NHSL3: variants seen among roughly 807,000 people sequenced by gnomAD.
The protein encoded by NHSL3 is NHS-like protein 3.
the NHSL3 span, among the ~76,000 whole-genome samples, chr1:32,752,314 A>G: frequency 2.0e-5 from 3 of 152,200 alleles, no homozygotes; most frequent in Non-Finnish European, 4.4e-5. Context: ...TGCTGGAGCC[A>G]TCGGGCATAA....
At chr1:32,748,366 C>T in the NHSL3 span, among the ~76,000 whole-genome samples, 1 of 151,990 alleles carries the variant, frequency 6.6e-6, no homozygotes, top group African/African-American at 2.4e-5. Flanking sequence ...GAGGAAGGGG[C>T]CTAGATAGTT....
the NHSL3 span, among the ~76,000 whole-genome samples, chr1:32,754,690 T>A: frequency 6.6e-6 from 1 of 152,164 alleles, no homozygotes; most frequent in South Asian, 2.1e-4. Flanking sequence ...GCATTCAGGC[T>A]CACAGCAGAC....
chr1:32,764,214 G>GC, the NHSL3 span, among the ~76,000 whole-genome samples: 3 of 89,820 alleles, frequency 3.3e-5, no homozygotes, highest in Non-Finnish European at 4.6e-5. Flanking sequence ...CACTCTCCCC[G>GC]CCCCCCGGCC....
chr1:32,770,330 C>T, the NHSL3 span: 66 of 1,611,954 alleles, frequency 4.1e-5, no homozygotes, highest in South Asian at 5.5e-5. The surrounding 1 kb of genome is among the most constrained non-coding windows in gnomAD (Gnocchi z 8.3). Flanking sequence ...AGCCTGCACT[C>T]GGCCAGCCCA....
chr1:32,742,787 A>G, the NHSL3 span, among the ~76,000 whole-genome samples: 2 of 152,312 alleles, frequency 1.3e-5, no homozygotes, highest in African/African-American at 4.8e-5. Flanking sequence ...CTCCTGGGGT[A>G]GTGAGCTCAC....
the NHSL3 span, chr1:32,770,639 G>T: frequency 6.6e-7 from 1 of 1,518,802 alleles, no homozygotes; most frequent in Non-Finnish European, 8.8e-7. The surrounding 1 kb of genome is among the most constrained non-coding windows in gnomAD (Gnocchi z 8.3). Context: ...TTGTCTGGCC[G>T]GAGTGTGTCC....
chr1:32,770,565 C>T, the NHSL3 span: 1 of 1,524,342 alleles, frequency 6.6e-7, no homozygotes, highest in Non-Finnish European at 8.8e-7. The surrounding 1 kb of genome is among the most constrained non-coding windows in gnomAD (Gnocchi z 8.3). Context: ...GTGGGAGGGG[C>T]TCTCCCAGTG....
the NHSL3 span, among the ~76,000 whole-genome samples, chr1:32,742,428 C>T: frequency 5.3e-5 from 8 of 152,248 alleles, no homozygotes; most frequent in African/African-American, 1.7e-4. Context: ...GCAGGGATCC[C>T]CTGGCAGAGC....
the NHSL3 span, chr1:32,770,510 G>A: frequency 6.4e-7 from 1 of 1,557,754 alleles, no homozygotes; most frequent in Non-Finnish European, 8.7e-7. The surrounding 1 kb of genome is among the most constrained non-coding windows in gnomAD (Gnocchi z 8.3). Flanking sequence ...CAGCCGGAGA[G>A]CTCTACGGCT....
chr1:32,771,981 C>A, the NHSL3 span: 28 of 1,606,452 alleles, frequency 1.7e-5, no homozygotes, highest in Non-Finnish European at 2.3e-5. Flanking sequence ...ATGCTGCGGT[C>A]CGACTCAAGG....
At chr1:32,769,877 C>T in the NHSL3 span, 1 of 1,610,776 alleles carries the variant, frequency 6.2e-7, no homozygotes, top group Non-Finnish European at 8.5e-7. Flanking sequence ...CTGTCCCTTC[C>T]AGGCCTGAGG....
the NHSL3 span, among the ~76,000 whole-genome samples, chr1:32,745,623 T>A: frequency 6.6e-6 from 1 of 151,016 alleles, no homozygotes; most frequent in African/African-American, 2.4e-5. Context: ...AGCTACAAGA[T>A]GCTGGCAGGT....
the NHSL3 span, among the ~76,000 whole-genome samples, chr1:32,743,020 G>A: frequency 6.6e-6 from 1 of 152,368 alleles, no homozygotes; most frequent in Admixed American, 6.5e-5. Context: ...CAGCCTGAAA[G>A]GCGGGGAAGC....
the NHSL3 span, chr1:32,742,137 C>G: frequency 1.6e-6 from 2 of 1,244,546 alleles, no homozygotes; most frequent in East Asian, 3.2e-5. Flanking sequence ...CGGCCGCCCC[C>G]CGGGCCAAGA....
the NHSL3 span, chr1:32,770,727 T>G: frequency 6.4e-7 from 1 of 1,552,220 alleles, no homozygotes; most frequent in East Asian, 2.3e-5. This position sits in a 1 kb window ranked among gnomAD's most constrained non-coding sequence, Gnocchi z 8.3. Context: ...CAGTGCCTGA[T>G]GGGCCATTAG....
the NHSL3 span, among the ~76,000 whole-genome samples, chr1:32,745,083 A>AG: frequency 2.0e-5 from 3 of 150,942 alleles, no homozygotes; most frequent in South Asian, 6.3e-4. Flanking sequence ...CCAAGATTGC[A>AG]CCGCTGCACT....
chr1:32,753,149 A>G, the NHSL3 span, among the ~76,000 whole-genome samples: 1 of 151,158 alleles, frequency 6.6e-6, no homozygotes, highest in Non-Finnish European at 1.5e-5. Flanking sequence ...TTGTATTTTT[A>G]GTAGAGACAG....
At chr1:32,759,410 C>T in the NHSL3 span, among the ~76,000 whole-genome samples, 2 of 152,292 alleles carry the variant, frequency 1.3e-5, no homozygotes, top group African/African-American at 2.4e-5. Context: ...GTTAGAATTG[C>T]GCCTTGGCTG....
chr1:32,761,096 G>A, the NHSL3 span, among the ~76,000 whole-genome samples: 1 of 152,194 alleles, frequency 6.6e-6, no homozygotes, highest in Admixed American at 6.5e-5. Flanking sequence ...GGCATGTTGG[G>A]GATGGGGGTG....
Sources: gnomAD v4.1 joint callset for allele counts (sites outside exome capture counted in the v4.1 genomes callset) on GRCh38, gnomAD v4.1.1 for gene constraint, Gnocchi (gnomAD v3.1) non-coding constraint, MANE v1.5 for transcripts, NCBI Gene and HGNC (gene_info 2026-07-23, HGNC 2026-07-21) for gene names.